The following CDKL1 variants were observed in gnomAD, a reference collection of about 807,000 sequenced individuals.
CDKL1 encodes the protein cyclin dependent kinase like 1, also known as cyclin-dependent kinase-like 1.
In CDKL1, 41 loss-of-function variants were observed where a neutral mutation model predicts 42.0. The observed-to-expected ratio is 0.98, with a 90% confidence interval of 0.76 to 1.27. The LOEUF (loss-of-function observed/expected upper bound fraction) is 1.27. Among genes scored for constraint, CDKL1 ranks in the 50% most tolerant of loss-of-function variants. The pLI, the probability that CDKL1 is intolerant of heterozygous loss-of-function variation, is 0.00. For missense variants in CDKL1, 394 were observed against 428.4 expected (o/e 0.92, Z 0.71); for synonymous variants, 153 against 158.6 (o/e 0.96, Z 0.26).
intron 4 of CDKL1, chr14:50,342,587 G>A: frequency 4.0e-6 from 1 of 249,486 alleles, no homozygotes; most frequent in Non-Finnish European, 6.9e-6. Context: ...TAAAAGTTAT[G>A]CTTGTTTATC....
chr14:50,374,276 G>C (rs2034667190), intron 2 of CDKL1, among the ~76,000 whole-genome samples: 1 of 152,200 alleles, frequency 6.6e-6, no homozygotes, highest in Non-Finnish European at 1.5e-5. Flanking sequence ...GATGTCGGGA[G>C]GGTTGAGTAG....
intron 3 of CDKL1, among the ~76,000 whole-genome samples, chr14:50,356,214 C>T (rs969645096): frequency 6.6e-6 from 1 of 152,076 alleles, no homozygotes; most frequent in Admixed American, 6.5e-5. Context: ...TGAAAGATAA[C>T]CGAAGTCTTC....
intron 9 of CDKL1, chr14:50,331,917 A>G (rs1417799216): frequency 2.0e-6 from 2 of 976,074 alleles, no homozygotes; most frequent in Non-Finnish European, 2.9e-6. Context: ...GTACATGATG[A>G]CACAGAACTG....
chr14:50,362,219 A>C, intron 2 of CDKL1: 1 of 285,208 alleles, frequency 3.5e-6, no homozygotes, highest in Non-Finnish European at 6.8e-6. Context: ...CTCCACGATC[A>C]GAACCGCCCC....
intron 6 of CDKL1, among the ~76,000 whole-genome samples, chr14:50,340,299 A>G (rs1190205704): frequency 6.6e-6 from 1 of 152,228 alleles, no homozygotes; most frequent in East Asian, 1.9e-4. Flanking sequence ...CAGGAAGTTT[A>G]CAGTATCTTT....
chr14:50,350,830 T>C (rs2033879601), intron 3 of CDKL1, among the ~76,000 whole-genome samples: 1 of 152,136 alleles, frequency 6.6e-6, no homozygotes, highest in Admixed American at 6.5e-5. Flanking sequence ...TTCAGTTCAG[T>C]TGCCTTGTTG....
rs918751812 is a variant in CDKL1 at position 50,332,735 on chromosome 14, A to G, written c.796-303T>C. On this transcript the variant is annotated intron_variant, in intron 8 of 9. Coordinates refer to ENST00000395834, the MANE Select transcript of CDKL1 (RefSeq NM_004196.7). ...AATTTTAGAGTTTACCTCAGTGGCCAAATGGGGTAATCCATTTAGCCAGTT... is the reference window on the plus strand; with the variant it reads ...AATTTTAGAGTTTACCTCAGTGGCCGAATGGGGTAATCCATTTAGCCAGTT... The G allele has an allele frequency of 5.5e-6, 8 of 1,441,728 alleles. No individual in the cohort carries two copies. In the African/African-American group the frequency reaches 9.9e-5, roughly 18 times the overall value. 89.3% of individuals were successfully genotyped at this position (1,441,728 alleles called of 1,614,324 possible).
At position 50,377,644 on chromosome 14, in the gene CDKL1, G is replaced by A. The variant is rs1383131640; in HGVS notation, c.168+18057C>T. Reference sequence around the variant, plus strand: ...CCCCACTGCTGATGATAAGTGGGGTGGGAGGAGCCCAGGGAGGTGTAGCAA... The same window carrying A: ...CCCCACTGCTGATGATAAGTGGGGTAGGAGGAGCCCAGGGAGGTGTAGCAA... On this transcript the variant is annotated intron_variant, in intron 2 of 9. Transcript: ENST00000395834. 5 of 1,265,792 alleles carry A rather than the reference G, an allele frequency of 4.0e-6. No homozygotes were observed. The African/African-American group carries it at 1.4e-4, about 36-fold the overall frequency. The allele number at this position is 1,265,792 out of a possible 1,614,324, so 78.4% of individuals were successfully genotyped here. A position where few individuals can be genotyped will look rare whatever the true frequency, so the allele number is the denominator to read the frequency against.
At chr14:50,377,109 A>C (rs1446878268) in intron 2 of CDKL1, among the ~76,000 whole-genome samples, 1 of 152,168 alleles carries the variant, frequency 6.6e-6, no homozygotes, top group Non-Finnish European at 1.5e-5. Flanking sequence ...CTTGTTTCCC[A>C]TTCTTTCAGC....
chr14:50,346,389 G>C (rs1043978192), intron 3 of CDKL1, among the ~76,000 whole-genome samples: 2 of 152,038 alleles, frequency 1.3e-5, no homozygotes, highest in African/African-American at 4.8e-5. Flanking sequence ...AAAAGTCACT[G>C]TCGAGAAAAA....
At chr14:50,351,303 G>A (rs991684228) in intron 3 of CDKL1, among the ~76,000 whole-genome samples, 5 of 151,946 alleles carry the variant, frequency 3.3e-5, no homozygotes, top group Non-Finnish European at 7.4e-5. Flanking sequence ...CAGCTGGACA[G>A]CAGGTCTTGA....
chr14:50,336,671 C>T (rs1180443512), intron 7 of CDKL1, among the ~76,000 whole-genome samples: 1 of 152,164 alleles, frequency 6.6e-6, no homozygotes, highest in East Asian at 1.9e-4. Flanking sequence ...TTTTAAGATA[C>T]CTTCCTCAGT....
At chr14:50,368,574 G>A (rs2034496544) in intron 2 of CDKL1, among the ~76,000 whole-genome samples, 1 of 152,036 alleles carries the variant, frequency 6.6e-6, no homozygotes. Flanking sequence ...TTCTCTCTGT[G>A]TTTCAAATAC....
chr14:50,357,558 A>G (rs1161527329), intron 3 of CDKL1, among the ~76,000 whole-genome samples: 1 of 152,178 alleles, frequency 6.6e-6, no homozygotes, highest in Non-Finnish European at 1.5e-5. Flanking sequence ...TCCCTGGTCA[A>G]CTTATCTAAA....
chr14:50,357,586 C>T (rs2034092857), intron 3 of CDKL1, among the ~76,000 whole-genome samples: 1 of 152,180 alleles, frequency 6.6e-6, no homozygotes, highest in South Asian at 2.1e-4. Context: ...CCCCTTTCAA[C>T]TCCAAGGCCA....
chr14:50,354,346 C>T (rs2033993642), intron 3 of CDKL1, among the ~76,000 whole-genome samples: 1 of 152,186 alleles, frequency 6.6e-6, no homozygotes, highest in Non-Finnish European at 1.5e-5. Flanking sequence ...TCTGGAATTT[C>T]ACTGTCAGAA....
At chr14:50,345,102 A>G (rs774613834) in intron 3 of CDKL1, 44 bp from the exon 4 acceptor site, 1 of 1,549,562 alleles carries the variant, frequency 6.5e-7, no homozygotes, top group South Asian at 1.1e-5. Flanking sequence ...TAGTGTAGCC[A>G]TGGAATTCAG....
intron 9 of CDKL1, chr14:50,331,986 T>C (rs749575434): frequency 6.7e-7 from 1 of 1,496,042 alleles, no homozygotes; most frequent in Admixed American, 2.3e-5. Context: ...GCTGGACTCA[T>C]ACTCATGTAC....
chr14:50,378,939 C>T (rs558453660), intron 2 of CDKL1, among the ~76,000 whole-genome samples: 2 of 152,080 alleles, frequency 1.3e-5, no homozygotes, highest in East Asian at 3.9e-4. Flanking sequence ...GCAACCTCCG[C>T]CTTCTGGGCT....
Sources: allele counts gnomAD v4.1 joint callset (sites outside exome capture counted in the v4.1 genomes callset), GRCh38; gene constraint gnomAD v4.1.1; transcripts MANE v1.5; gene names NCBI Gene and HGNC (gene_info 2026-07-23, HGNC 2026-07-21).